Variants in MED13L observed in about 807,000 individuals in gnomAD.
MED13L encodes the protein mediator complex subunit 13L.
MED13L carries 7 observed loss-of-function variants against 220.9 expected under a neutral mutation model. That is an observed-to-expected ratio of 0.03 (90% CI 0.02 to 0.06). The LOEUF is 0.06. Ranked by LOEUF, MED13L falls within the 10% of genes least tolerant of loss-of-function variation. The pLI is 1.00. For synonymous variants in MED13L, 1,011 were observed against 1,015.2 expected, an observed-to-expected ratio of 1.00 and a Z score of 0.08; for missense variants, 1,965 against 2,760.5, an observed-to-expected ratio of 0.71 and a Z score of 6.46.
intron 3 of MED13L, among the ~76,000 whole-genome samples, chr12:116,100,515 G>A (rs549209402): frequency 1.2e-4 from 18 of 148,698 alleles, no homozygotes; most frequent in Non-Finnish European, 2.2e-4. Context: ...CAAGAGAATC[G>A]CTTGAACCCA....
In MED13L at chr12:115,991,696, G is replaced by C. The variant is rs1477751856; in HGVS notation, c.3258C>G (p.Pro1086=). The C allele has an allele frequency of 6.2e-6, 10 of 1,613,834 alleles. No homozygotes were observed. The highest frequency in any genetic ancestry group is 8.5e-6 in the Non-Finnish European group (10 of 1,179,942). Residue 1086 remains proline, a synonymous_variant, in exon 17 of 31, where the codon CCC becomes CCG. Transcript: ENST00000281928. The surrounding 1 kb of genome is among the most constrained non-coding windows in gnomAD (Gnocchi z 7.7). ...STDQGSPAST[P]STTRPLNSVE... ...CAGAGTTGAGGGGCCGTGTAGTAGA[G>C]GGGGTGGAGGCTGGTGATCCTTGAT... is the stretch of plus-strand genomic sequence containing the variant.
chr12:116,100,598 C>CAAAA (rs760855189), intron 3 of MED13L, among the ~76,000 whole-genome samples: 9 of 67,982 alleles, frequency 1.3e-4, no homozygotes, highest in African/African-American at 2.3e-4. Flanking sequence ...GACTCCGTCT[C>CAAAA]AAAAAAAAAA....
chr12:116,008,342 T>A, intron 10 of MED13L, 59 bp downstream of exon 10: 3 of 1,542,006 alleles, frequency 1.9e-6, no homozygotes, highest in Non-Finnish European at 2.6e-6. Flanking sequence ...CAGGTAGAGA[T>A]GGGGAGGGAG....
intron 3 of MED13L, among the ~76,000 whole-genome samples, chr12:116,103,187 A>C (rs368416615): frequency 7.9e-5 from 12 of 152,004 alleles, no homozygotes; most frequent in Non-Finnish European, 1.8e-4. Flanking sequence ...CAAAAGCTTT[A>C]TCTCTCCTCT....
intron 1 of MED13L, among the ~76,000 whole-genome samples, chr12:116,262,282 A>G (rs1452117180): frequency 6.6e-6 from 1 of 152,228 alleles, no homozygotes; most frequent in Admixed American, 6.5e-5. Context: ...ACAAATGGCT[A>G]AAGAGTTATG....
chr12:116,232,869 T>C (rs988160893), intron 2 of MED13L, among the ~76,000 whole-genome samples: 5 of 151,978 alleles, frequency 3.3e-5, no homozygotes, highest in African/African-American at 9.7e-5. Flanking sequence ...GGCGGATCGA[T>C]TGAGGTTGGG....
chr12:116,185,308 G>A (rs539673829), intron 2 of MED13L, among the ~76,000 whole-genome samples: 1 of 150,006 alleles, frequency 6.7e-6, no homozygotes, highest in East Asian at 1.9e-4. Context: ...ATTAGAATAC[G>A]AATAACAAGA....
intron 2 of MED13L, among the ~76,000 whole-genome samples, chr12:116,143,610 G>A (rs779303875): frequency 6.6e-6 from 1 of 152,126 alleles, no homozygotes; most frequent in African/African-American, 2.4e-5. Flanking sequence ...ACTCATTTCC[G>A]TTATTCTCTG....
chr12:116,088,066 A>C (rs957926021), intron 4 of MED13L, among the ~76,000 whole-genome samples: 2 of 152,160 alleles, frequency 1.3e-5, no homozygotes, highest in Non-Finnish European at 2.9e-5. Flanking sequence ...ATGCAGGAAG[A>C]TCCTGGGGGA....
intron 4 of MED13L, among the ~76,000 whole-genome samples, chr12:116,066,798 C>A (rs184995765): frequency 6.6e-6 from 1 of 151,536 alleles, no homozygotes. Flanking sequence ...CGCATCAACT[C>A]TACCGGCTAC....
At chr12:116,077,109 C>T (rs1870866884) in intron 4 of MED13L, among the ~76,000 whole-genome samples, 1 of 152,172 alleles carries the variant, frequency 6.6e-6, no homozygotes, top group Non-Finnish European at 1.5e-5. Context: ...TGTCAAAGCC[C>T]ACTTTAACTT....
intron 4 of MED13L, among the ~76,000 whole-genome samples, chr12:116,029,797 T>C (rs1401788523): frequency 6.6e-6 from 1 of 152,106 alleles, no homozygotes; most frequent in East Asian, 1.9e-4. Flanking sequence ...AATAAATATT[T>C]TAACATGTTT....
chr12:116,056,309 A>G (rs1219151426), intron 4 of MED13L, among the ~76,000 whole-genome samples: 2 of 150,530 alleles, frequency 1.3e-5, no homozygotes, highest in East Asian at 3.9e-4. Flanking sequence ...ACAAAGTCTT[A>G]CTCTTTCAGT....
At chr12:116,176,635 G>A (rs1347172542) in intron 2 of MED13L, among the ~76,000 whole-genome samples, 1 of 152,036 alleles carries the variant, frequency 6.6e-6, no homozygotes, top group Non-Finnish European at 1.5e-5. Flanking sequence ...TATCTCTGGA[G>A]AATTTTGAAA....
chr12:115,986,182 A>G (rs1041740834), intron 19 of MED13L, 84 bp downstream of exon 19: 3 of 1,372,176 alleles, frequency 2.2e-6, no homozygotes, highest in Middle Eastern at 1.8e-4. Flanking sequence ...TACTTTCAAG[A>G]CATTTGTCTT....
chr12:115,982,296 T>C (rs1877380601), intron 22 of MED13L, 88 bp downstream of exon 22: 9 of 1,392,776 alleles, frequency 6.5e-6, no homozygotes, highest in Non-Finnish European at 8.0e-6. Flanking sequence ...TACTTCCATT[T>C]TTTAAGAAAA....
intron 4 of MED13L, among the ~76,000 whole-genome samples, chr12:116,073,886 T>C (rs1465733588): frequency 2.0e-5 from 3 of 152,214 alleles, no homozygotes; most frequent in Non-Finnish European, 2.9e-5. Flanking sequence ...TGGATCTGAA[T>C]GCATGAAATT....
At chr12:116,019,722 T>C in intron 6 of MED13L, 56 bp downstream of exon 6, 1 of 1,538,994 alleles carries the variant, frequency 6.5e-7, no homozygotes, top group South Asian at 1.1e-5. Flanking sequence ...ATTATCTTTT[T>C]AAATTAAGGA....
At chr12:116,236,112 G>A (rs1186158962) in intron 2 of MED13L, among the ~76,000 whole-genome samples, 1 of 152,156 alleles carries the variant, frequency 6.6e-6, no homozygotes, top group African/African-American at 2.4e-5. Flanking sequence ...GAATCCAGAT[G>A]TTCTGAAACT....
Sources: gnomAD v4.1 joint callset for allele counts (sites outside exome capture counted in the v4.1 genomes callset) on GRCh38, gnomAD v4.1.1 for gene constraint, Gnocchi (gnomAD v3.1) non-coding constraint, MANE v1.5 for transcripts, NCBI Gene and HGNC (gene_info 2026-07-23, HGNC 2026-07-21) for gene names.